The following HCN4 variants were observed in gnomAD, a reference collection of about 807,000 sequenced individuals.
The protein encoded by HCN4 is potassium/sodium hyperpolarization-activated cyclic nucleotide-gated channel 4.
HCN4 carries 29 observed loss-of-function variants against 76.9 expected under a neutral mutation model. That is an observed-to-expected ratio of 0.38 (90% CI 0.28 to 0.51). The LOEUF is 0.51. Ranked by LOEUF, HCN4 falls within the 20% of genes least tolerant of loss-of-function variation. The probability of loss-of-function intolerance (pLI) is 0.90; values close to 1 mark genes in which losing one functional copy is unlikely to be tolerated. For missense variants in HCN4, 1,416 were observed against 1,715.2 expected, an observed-to-expected ratio of 0.83 and a Z score of 3.08; for synonymous variants, 772 against 762.5, an observed-to-expected ratio of 1.01 and a Z score of -0.21.
intron 2 of HCN4, among the ~76,000 whole-genome samples, chr15:73,341,596 G>A (rs1003997610): frequency 5.3e-5 from 8 of 152,176 alleles, no homozygotes; most frequent in Non-Finnish European, 8.8e-5. Context: ...GTGTGGAGCC[G>A]GGATTTTAAC....
chr15:73,363,412 C>T (rs1306274664), intron 1 of HCN4, among the ~76,000 whole-genome samples: 1 of 152,194 alleles, frequency 6.6e-6, no homozygotes, highest in Non-Finnish European at 1.5e-5. Context: ...ATCCTGCTGG[C>T]AATGGGAGGC....
Position 73,322,558 on chromosome 15 carries a change from G to A in HCN4, c.3535C>T (p.Pro1179Ser). 1 of 1,607,728 alleles carries A rather than the reference G, an allele frequency of 6.2e-7. No homozygotes were observed. Among genetic ancestry groups the A allele is most frequent in the African/African-American group, 1.3e-5 (1 of 74,962 alleles). The change falls in exon 8 of 8, where the codon CCT becomes TCT. Residue 1179 changes from proline to serine, a missense_variant. Pro to Ser is a moderately conservative substitution (Grantham distance 74). Transcript: ENST00000261917. ...TCCCTCTGGGGTCCAGCAGTCAGAG[G>A]GGGCCCCCCAGAAGAGGTGGCTCTT... The part of the protein sequence containing the change: ...GARATSSGGP[P>S]LTAGPQREPG...
At chr15:73,364,681 G>A (rs930262287) in intron 1 of HCN4, among the ~76,000 whole-genome samples, 4 of 152,170 alleles carry the variant, frequency 2.6e-5, no homozygotes, top group African/African-American at 9.7e-5. Flanking sequence ...AAGCCATGGC[G>A]GTGGCCAGGG....
At chr15:73,335,949 C>T (rs2042962714) in intron 2 of HCN4, among the ~76,000 whole-genome samples, 1 of 152,144 alleles carries the variant, frequency 6.6e-6, no homozygotes, top group African/African-American at 2.4e-5. Context: ...AAGAAAGCCC[C>T]CCTCCCTATG....
At position 73,368,178 on chromosome 15, in the gene HCN4, G is replaced by A. The variant is rs2151228755; in HGVS notation, c.93C>T (p.Asp31=). 1 of 1,532,018 alleles carries A rather than the reference G, an allele frequency of 6.5e-7. No individual in the cohort carries two copies. Among genetic ancestry groups the A allele is most frequent in the Non-Finnish European group, 8.8e-7 (1 of 1,141,010 alleles). 94.9% of individuals were successfully genotyped at this position (1,532,018 alleles called of 1,614,324 possible). Residue 31 remains aspartate (D), a synonymous_variant, in exon 1 of 8, where the codon GAC becomes GAT. Transcript: ENST00000261917. The surrounding 1 kb of genome is among the most constrained non-coding windows in gnomAD (Gnocchi z 6.9). ...GGCCCCCGGCCCCCTCCTCCTCGGC[G>A]TCCTCTTCCTCGTCCATGATCCACG... The part of the protein sequence containing the change: ...AKAWIMDEEE[D]AEEEGAGGRQ...
intron 7 of HCN4, 49 bp from the exon 8 acceptor site, chr15:73,323,998 A>T (rs748100814): frequency 1.9e-6 from 3 of 1,611,342 alleles, no homozygotes; most frequent in Non-Finnish European, 2.5e-6. Flanking sequence ...GGGGAAGGAG[A>T]TCAGGTGCAG....
chr15:73,334,432 C>T (rs890496297), intron 2 of HCN4, among the ~76,000 whole-genome samples: 3 of 152,102 alleles, frequency 2.0e-5, no homozygotes, highest in African/African-American at 4.8e-5. Context: ...CACCAGAGCC[C>T]CCAGCACCAG....
chr15:73,335,464 C>T (rs560577209), intron 2 of HCN4: 1 of 152,300 alleles, frequency 6.6e-6, no homozygotes, highest in Non-Finnish European at 1.5e-5. Context: ...ATATTCTATT[C>T]TCCTACCTTG....
In HCN4 at chr15:73,323,145, G is replaced by A. The variant is rs753233857; in HGVS notation, c.2948C>T (p.Ser983Phe). 4 of 1,587,676 alleles carry A rather than the reference G, an allele frequency of 2.5e-6. No individual in the cohort carries two copies. Among genetic ancestry groups the A allele is most frequent in the Non-Finnish European group, 3.4e-6 (4 of 1,168,262 alleles). The change falls in exon 8 of 8, where the codon TCC becomes TTC. Residue 983 changes from serine to phenylalanine, a missense_variant. By Grantham distance (155) the Ser-to-Phe change is radical. Around this residue, in one of 6 missense-constraint regions of HCN4, gnomAD observed 633 missense variants for 579.8 expected, o/e 1.09. Coordinates refer to ENST00000261917, the MANE Select transcript of HCN4 (RefSeq NM_005477.3). ...GQLGQPPGEL[S>F]LGLATGPLST... ...CAGTGGGCCAGTGGCCAGACCTAGG[G>A]ACAACTCCCCGGGAGGCTGGCCCAG...
chr15:73,356,050 A>G (rs1308506521), intron 1 of HCN4, among the ~76,000 whole-genome samples: 1 of 152,202 alleles, frequency 6.6e-6, no homozygotes, highest in Non-Finnish European at 1.5e-5. Flanking sequence ...GTAGCACGGG[A>G]GCACACCCTC....
rs1050326641 is a variant in HCN4, at chr15:73,322,831, C to T, written c.3262G>A (p.Ala1088Thr). Residue 1088 changes from alanine to threonine, a missense_variant, in exon 8 of 8, where the codon GCG becomes ACG. By Grantham distance (58) the Ala-to-Thr change is moderately conservative. This residue lies in a region of HCN4 where 633 missense variants were observed against 579.8 expected (regional missense o/e 1.09). Coordinates refer to ENST00000261917, the MANE Select transcript of HCN4 (RefSeq NM_005477.3). ...RLTQDLKLIS[A>T]SQPALPQDGA... ...TCCTGAGGCAGGGCTGGCTGAGACG[C>T]GGAGATGAGCTTGAGGTCCTGGGTG... 2.4e-5 allele frequency: 37 copies of T among 1,522,146 alleles called. No homozygotes were observed. The highest frequency in any genetic ancestry group is 2.9e-5 in the Non-Finnish European group (33 of 1,136,722). The allele number at this position is 1,522,146 out of a possible 1,614,324, so 94.3% of individuals were successfully genotyped here. A position where few individuals can be genotyped will look rare whatever the true frequency, so the allele number is the denominator to read the frequency against.
At position 73,322,536 on chromosome 15, in the gene HCN4, C is replaced by T. The variant is rs1417654495; in HGVS notation, c.3557G>A (p.Arg1186Lys). The T allele has an allele frequency of 6.2e-7, 1 of 1,605,404 alleles. No individual in the cohort carries two copies. The highest frequency in any genetic ancestry group is 1.1e-5 in the South Asian group (1 of 89,516). Residue 1186 changes from arginine to lysine, a missense_variant, in exon 8 of 8, where the codon AGG becomes AAG. Physicochemically the swap from Arg to Lys is conservative, Grantham distance 26. Transcript: ENST00000261917. ...GGPPLTAGPQ[R>K]EPGARPEPVR... The stretch of plus-strand genomic sequence containing the variant: ...TGGCTCAGGCCTGGCCCCAGGTTCC[C>T]TCTGGGGTCCAGCAGTCAGAGGGGG...
chr15:73,366,022 C>A lies in HCN4; in HGVS notation c.785+1464G>T, dbSNP rs550638323. On this transcript the variant is annotated intron_variant, in intron 1 of 7. Transcript: ENST00000261917. ...AAGCCCACTCTTCAGGAACCTGGCA[C>A]TGGGAACCCAGACACCGTTCCTGAT... Among the ~76,000 whole-genome samples, 38 of 152,348 alleles carry A rather than the reference C, an allele frequency of 2.5e-4. No homozygotes were observed. In the East Asian group the frequency reaches 6.6e-3, roughly 26 times the overall value.
Position 73,326,717 on chromosome 15 carries a change from C to T in HCN4, c.1591-1273G>A, listed in dbSNP as rs117470670. 8.1e-4 allele frequency among the ~76,000 whole-genome samples: 123 copies of T among 152,256 alleles called. 1 individual carries two copies. In the East Asian group the frequency reaches 0.023, roughly 29 times the overall value. ...GTCTCAAATGAAAAGCCACAGACGC[C>T]TTGACTCTGGCCCTAAAATAAACTC... On this transcript the variant is annotated intron_variant, in intron 4 of 7. Transcript: ENST00000261917.
intron 1 of HCN4, among the ~76,000 whole-genome samples, chr15:73,361,848 G>A (rs996803611): frequency 1.9e-4 from 29 of 152,348 alleles, no homozygotes; most frequent in African/African-American, 6.7e-4. Context: ...AGGCCTGGAT[G>A]CCTCTGTCCT....
chr15:73,323,188 A>T lies in HCN4; in HGVS notation c.2905T>A (p.Ser969Thr). The change falls in exon 8 of 8, where the codon TCA becomes ACA. Residue 969 changes from serine to threonine, a missense_variant. Ser to Thr is a moderately conservative substitution (Grantham distance 58). Around this residue, in one of 6 missense-constraint regions of HCN4, gnomAD observed 633 missense variants for 579.8 expected, o/e 1.09. Transcript: ENST00000261917. ...TGGCCCAGCTGCCCGGGGCTAGATG[A>T]CGGGGATCTGGATGAGGGTGGGGGT... The part of the protein sequence containing the change: ...LPPPPSSRSP[S>T]SSPGQLGQPP... The T allele has an allele frequency of 6.5e-7, 1 of 1,546,080 alleles. No homozygotes were observed. The highest frequency in any genetic ancestry group is 1.3e-5 in the South Asian group (1 of 79,966).
chr15:73,363,276 C>T (rs2043114311), intron 1 of HCN4, among the ~76,000 whole-genome samples: 1 of 152,194 alleles, frequency 6.6e-6, no homozygotes, highest in African/African-American at 2.4e-5. Flanking sequence ...CAGAACAGTC[C>T]TTTCCAGGAT....
chr15:73,365,940 T>C (rs1262618268), intron 1 of HCN4, among the ~76,000 whole-genome samples: 2 of 152,156 alleles, frequency 1.3e-5, no homozygotes, highest in East Asian at 1.9e-4. Context: ...ACATAGCCCC[T>C]GCTCACTCCT....
At chr15:73,324,857 G>T in intron 6 of HCN4, 98 bp downstream of exon 6, 1 of 1,470,628 alleles carries the variant, frequency 6.8e-7, no homozygotes, top group Non-Finnish European at 9.3e-7. Context: ...CCAGGCTGTG[G>T]CCAAGAAGGG....
Sources: gnomAD v4.1 joint callset for allele counts (sites outside exome capture counted in the v4.1 genomes callset) on GRCh38, gnomAD v4.1.1 for gene constraint, gnomAD v4.1.1 regional missense constraint, Gnocchi (gnomAD v3.1) non-coding constraint, MANE v1.5 for transcripts, NCBI Gene and HGNC (gene_info 2026-07-23, HGNC 2026-07-21) for gene names.